LOC122539214: variants seen among roughly 807,000 people sequenced by gnomAD.
the LOC122539214 span, among the ~76,000 whole-genome samples, chr19:52,671,149 G>A: frequency 1.3e-5 from 2 of 152,076 alleles, no homozygotes; most frequent in African/African-American, 2.4e-5. Context: ...ACAGAAACAT[G>A]TTTTGAGGTC....
chr19:52,657,850 A>G, the LOC122539214 span, among the ~76,000 whole-genome samples: 1 of 151,374 alleles, frequency 6.6e-6, no homozygotes, highest in African/African-American at 2.4e-5. Context: ...TCTGTCTAAA[A>G]AAAAAAACAG....
At chr19:52,667,377 A>G in the LOC122539214 span, among the ~76,000 whole-genome samples, 1 of 152,202 alleles carries the variant, frequency 6.6e-6, no homozygotes, top group African/African-American at 2.4e-5. Context: ...ATTGTCTGTC[A>G]AAGTTGTGAA....
chr19:52,660,545 G>A, the LOC122539214 span, among the ~76,000 whole-genome samples: 2 of 152,068 alleles, frequency 1.3e-5, no homozygotes, highest in Non-Finnish European at 2.9e-5. Context: ...TTGACCCTGG[G>A]AGGTGGAGGT....
the LOC122539214 span, among the ~76,000 whole-genome samples, chr19:52,677,978 T>A: frequency 6.6e-6 from 1 of 151,684 alleles, no homozygotes; most frequent in Non-Finnish European, 1.5e-5. Flanking sequence ...GAGGTTGCAG[T>A]GAGCCAAGAT....
At chr19:52,688,380 T>A in the LOC122539214 span, among the ~76,000 whole-genome samples, 6 of 151,548 alleles carry the variant, frequency 4.0e-5, no homozygotes, top group African/African-American at 1.5e-4. Flanking sequence ...CACTATGTTG[T>A]GCAGGCTGGT....
the LOC122539214 span, among the ~76,000 whole-genome samples, chr19:52,687,511 A>T: frequency 2.0e-4 from 16 of 80,404 alleles, 3 homozygotes; most frequent in Admixed American, 2.4e-3. Flanking sequence ...TATATAAATT[A>T]TATATAAATT....
chr19:52,675,705 GA>G, the LOC122539214 span, among the ~76,000 whole-genome samples: 2,288 of 152,300 alleles, frequency 0.015, 38 homozygotes, highest in African/African-American at 0.048. Context: ...GCCAGGAAAG[GA>G]AGGGCAAGGG....
the LOC122539214 span, among the ~76,000 whole-genome samples, chr19:52,686,513 A>G: frequency 6.6e-6 from 1 of 151,124 alleles, no homozygotes; most frequent in African/African-American, 2.4e-5. Flanking sequence ...GAAAAAAAAA[A>G]AGAAATCTAT....
the LOC122539214 span, among the ~76,000 whole-genome samples, chr19:52,688,093 T>TTA: frequency 6.6e-6 from 1 of 152,058 alleles, no homozygotes; most frequent in East Asian, 1.9e-4. Context: ...AATTATTAGA[T>TTA]TATATACACA....
the LOC122539214 span, among the ~76,000 whole-genome samples, chr19:52,687,616 G>GTGTA: frequency 6.3e-5 from 1 of 15,824 alleles, no homozygotes; most frequent in African/African-American, 4.6e-4. Context: ...TATATAATGT[G>GTGTA]TATATATATA....
chr19:52,682,062 G>C, the LOC122539214 span, among the ~76,000 whole-genome samples: 1 of 151,984 alleles, frequency 6.6e-6, no homozygotes, highest in South Asian at 2.1e-4. Context: ...TGGCCAGGCT[G>C]GTATTGAATT....
At chr19:52,686,529 A>T in the LOC122539214 span, among the ~76,000 whole-genome samples, 1 of 151,472 alleles carries the variant, frequency 6.6e-6, no homozygotes, top group African/African-American at 2.4e-5. Flanking sequence ...TCTATTACAC[A>T]ACAAGAACAA....
chr19:52,653,849 G>A, the LOC122539214 span, among the ~76,000 whole-genome samples: 1 of 152,202 alleles, frequency 6.6e-6, no homozygotes, highest in African/African-American at 2.4e-5. Flanking sequence ...GTTACATGAT[G>A]TCTTCTTAAA....
chr19:52,662,965 C>A, the LOC122539214 span, among the ~76,000 whole-genome samples: 3 of 151,948 alleles, frequency 2.0e-5, no homozygotes, highest in Admixed American at 2.0e-4. Flanking sequence ...GAGTTTGAGA[C>A]CAACCTGGGC....
chr19:52,654,134 C>G, the LOC122539214 span: 5 of 1,605,692 alleles, frequency 3.1e-6, no homozygotes, highest in Non-Finnish European at 4.3e-6. Context: ...CCAAGCTGAT[C>G]TTTAATAGGC....
At chr19:52,656,693 C>A in the LOC122539214 span, among the ~76,000 whole-genome samples, 73 of 152,088 alleles carry the variant, frequency 4.8e-4, no homozygotes, top group African/African-American at 1.6e-3. Context: ...TGCTGAAACA[C>A]TGACACTATT....
chr19:52,677,491 G>A, the LOC122539214 span, among the ~76,000 whole-genome samples: 98 of 150,418 alleles, frequency 6.5e-4, no homozygotes, highest in African/African-American at 2.3e-3. Flanking sequence ...GTCTCAAAAA[G>A]AAAAAAAGAA....
the LOC122539214 span, among the ~76,000 whole-genome samples, chr19:52,660,048 G>C: frequency 1.3e-5 from 2 of 152,016 alleles, no homozygotes; most frequent in Non-Finnish European, 2.9e-5. Flanking sequence ...AAAATTAGCG[G>C]GGTGTGGTGG....
the LOC122539214 span, among the ~76,000 whole-genome samples, chr19:52,665,985 C>T: frequency 6.8e-6 from 1 of 148,014 alleles, no homozygotes; most frequent in Non-Finnish European, 1.5e-5. Context: ...AGTGAAACCC[C>T]GTCTCTACTA....
Sources: allele counts gnomAD v4.1 joint callset (sites outside exome capture counted in the v4.1 genomes callset), GRCh38; gene constraint gnomAD v4.1.1; transcripts MANE v1.5.